Variants in TANC2 observed in about 807,000 individuals in gnomAD.
The protein encoded by TANC2 is tetratricopeptide repeat, ankyrin repeat and coiled-coil containing 2.
Under a neutral mutation model 210.5 loss-of-function variants are expected in TANC2, and 26 were observed. The observed-to-expected ratio is 0.12, with a 90% confidence interval of 0.09 to 0.17. TANC2 has a LOEUF of 0.17. Ranked by LOEUF, TANC2 falls within the 10% of genes least tolerant of loss-of-function variation. TANC2 has a pLI of 1.00. For missense variants in TANC2, 2,129 were observed against 2,608.9 expected, an observed-to-expected ratio of 0.82 and a Z score of 4.01; for synonymous variants, 931 against 967.1, an observed-to-expected ratio of 0.96 and a Z score of 0.69.
At chr17:63,255,951 G>C (rs1356487307) in intron 8 of TANC2, among the ~76,000 whole-genome samples, 1 of 140,846 alleles carries the variant, frequency 7.1e-6, no homozygotes, top group African/African-American at 2.7e-5. Flanking sequence ...TGTTGCCCTG[G>C]CTGGAGTGCA....
At chr17:63,025,609 G>A (rs189924084) in intron 2 of TANC2, among the ~76,000 whole-genome samples, 1 of 151,822 alleles carries the variant, frequency 6.6e-6, no homozygotes, top group Admixed American at 6.6e-5. Flanking sequence ...AAGCCTGGGC[G>A]ACGTGGCGAA....
At chr17:63,026,188 TGTAGCGATTATC>T (rs2034547504) in intron 2 of TANC2, among the ~76,000 whole-genome samples, 1 of 152,200 alleles carries the variant, frequency 6.6e-6, no homozygotes, top group Admixed American at 6.5e-5. Flanking sequence ...ATTTTGTCTC[TGTAGCGATTATC>T]ATTATTCATC....
At chr17:63,213,367 C>T (rs1037125453) in intron 7 of TANC2, among the ~76,000 whole-genome samples, 1 of 152,190 alleles carries the variant, frequency 6.6e-6, no homozygotes, top group Non-Finnish European at 1.5e-5. Context: ...TAGACAAGTC[C>T]TCTGGGAAGC....
At chr17:63,219,866 A>C (rs1309991522) in intron 7 of TANC2, among the ~76,000 whole-genome samples, 1 of 152,246 alleles carries the variant, frequency 6.6e-6, no homozygotes, top group Non-Finnish European at 1.5e-5. Flanking sequence ...GTATGGAGTT[A>C]GATTAGCCAG....
At chr17:63,198,672 C>G (rs1167534073) in intron 6 of TANC2, among the ~76,000 whole-genome samples, 1 of 151,904 alleles carries the variant, frequency 6.6e-6, no homozygotes, top group Non-Finnish European at 1.5e-5. Flanking sequence ...GGCTCAGTAT[C>G]TGTCAATTTT....
chr17:63,135,864 G>A (rs2039073540), intron 4 of TANC2, among the ~76,000 whole-genome samples: 3 of 152,024 alleles, frequency 2.0e-5, no homozygotes, highest in South Asian at 4.1e-4. Flanking sequence ...TTAGATATAC[G>A]GAAATGAAAC....
chr17:63,099,607 T>A (rs2037548361), intron 4 of TANC2, among the ~76,000 whole-genome samples: 1 of 152,124 alleles, frequency 6.6e-6, no homozygotes, highest in East Asian at 1.9e-4. Flanking sequence ...TTTTTCTAGG[T>A]TTTCAGGAAG....
chr17:63,235,574 GACA>G (rs974283414), intron 7 of TANC2, among the ~76,000 whole-genome samples: 30 of 151,752 alleles, frequency 2.0e-4, no homozygotes, highest in African/African-American at 6.8e-4. Context: ...TACTTTTTGT[GACA>G]ACAAAGTCAG....
intron 1 of TANC2, among the ~76,000 whole-genome samples, chr17:62,996,994 T>TTTTTTTTTTTTTTTTTTTTTGAGACGG (rs2033144497): frequency 1.3e-4 from 18 of 143,756 alleles, no homozygotes; most frequent in East Asian, 1.9e-4. Context: ...TTTGTATTTT[T>TTTTTTTTTTTTTTTTTTTTTGAGACGG]AGTATAGATG....
chr17:63,058,262 G>T (rs569250632), intron 2 of TANC2, among the ~76,000 whole-genome samples: 1 of 151,960 alleles, frequency 6.6e-6, no homozygotes, highest in Non-Finnish European at 1.5e-5. Context: ...CATGTCCTTT[G>T]CCCACTTTTT....
At chr17:63,258,593 C>T (rs140919953) in intron 8 of TANC2, among the ~76,000 whole-genome samples, 7 of 152,136 alleles carry the variant, frequency 4.6e-5, no homozygotes, top group African/African-American at 1.7e-4. Context: ...TCCTCACCTT[C>T]CATCGTGTAG....
chr17:63,331,842 GT>G (rs1232534029), intron 11 of TANC2: 1 of 156,520 alleles, frequency 6.4e-6, no homozygotes, highest in Non-Finnish European at 1.3e-5. Context: ...AAGAGTGTGT[GT>G]GTGTGTGTGT....
At chr17:63,237,659 A>T (rs927222976) in intron 7 of TANC2, among the ~76,000 whole-genome samples, 155 bp from the exon 8 acceptor site, 8 of 152,172 alleles carry the variant, frequency 5.3e-5, no homozygotes, top group Non-Finnish European at 1.2e-4. Flanking sequence ...ATAGGGGTCC[A>T]GTTTCATTCC....
At chr17:62,990,760 A>G (rs749327341) in intron 1 of TANC2, among the ~76,000 whole-genome samples, 3 of 152,160 alleles carry the variant, frequency 2.0e-5, no homozygotes, top group Non-Finnish European at 4.4e-5. Context: ...GAATATGTCT[A>G]TTTTAATAGG....
chr17:63,194,062 G>A (rs1340900917), exon 6 of TANC2: 1 of 1,613,252 alleles, frequency 6.2e-7, no homozygotes, highest in Admixed American at 1.7e-5. Context: ...GACTCGTCTG[G>A]GTTTCCTCCT....
At position 63,415,421 on chromosome 17, in the gene TANC2, G is replaced by A. The variant is rs1288224851; in HGVS notation, c.4021-107G>A. 8 of 1,448,188 alleles carry A rather than the reference G, an allele frequency of 5.5e-6. No individual in the cohort carries two copies. In the African/African-American group the frequency reaches 5.7e-5, roughly 10 times the overall value. 89.7% of individuals were successfully genotyped at this position (1,448,188 alleles called of 1,614,324 possible). A position where few individuals can be genotyped will look rare whatever the true frequency, so the allele number is the denominator to read the frequency against. Reference sequence around the variant, plus strand: ...CCTCTCTAGGCTGGCGTTTGGGAGGGTTAGCCCTTAGTAACAGCTGCTGAG... The same window carrying A: ...CCTCTCTAGGCTGGCGTTTGGGAGGATTAGCCCTTAGTAACAGCTGCTGAG... On this transcript the variant is annotated intron_variant, in intron 25 of 27. Transcript: ENST00000689528.
chr17:63,387,681 G>C (rs1016906963), intron 15 of TANC2, among the ~76,000 whole-genome samples: 1 of 152,204 alleles, frequency 6.6e-6, no homozygotes, highest in Non-Finnish European at 1.5e-5. Flanking sequence ...TCCAGATATT[G>C]ACAGAAGAGT....
intron 2 of TANC2, among the ~76,000 whole-genome samples, chr17:63,025,756 A>G (rs1347162626): frequency 1.3e-5 from 2 of 151,908 alleles, no homozygotes; most frequent in African/African-American, 4.8e-5. Flanking sequence ...TGATTGCACC[A>G]CTGCACTCCA....
chr17:63,029,722 A>G (rs1364606724), intron 2 of TANC2, among the ~76,000 whole-genome samples: 1 of 152,138 alleles, frequency 6.6e-6, no homozygotes, highest in African/African-American at 2.4e-5. Context: ...GATATTTCCT[A>G]GTCTCAGGGA....
Sources: allele counts gnomAD v4.1 joint callset (sites outside exome capture counted in the v4.1 genomes callset), GRCh38; gene constraint gnomAD v4.1.1; transcripts MANE v1.5; gene names NCBI Gene and HGNC (gene_info 2026-07-23, HGNC 2026-07-21).